Variants in CTTNBP2 observed in about 807,000 individuals in gnomAD.
CTTNBP2 encodes the protein cortactin binding protein 2, also known as cortactin-binding protein 2.
A neutral mutation model predicts 156.9 loss-of-function variants in CTTNBP2; 108 were observed. The observed-to-expected ratio is 0.69, with a 90% CI of 0.59 to 0.81. The LOEUF (loss-of-function observed/expected upper bound fraction) is 0.81. CTTNBP2 is among the 30% of genes least tolerant of loss of function. CTTNBP2 has a pLI of 0.00. For missense variants in CTTNBP2, 1,924 were observed against 2,035.4 expected (o/e 0.95, Z 1.05); for synonymous variants, 767 against 751.8 (o/e 1.02, Z -0.33).
intron 8 of CTTNBP2, among the ~76,000 whole-genome samples, chr7:117,767,542 G>T (rs1470268925): frequency 1.3e-5 from 2 of 152,148 alleles, no homozygotes; most frequent in Non-Finnish European, 2.9e-5. Context: ...AAAACAAAAA[G>T]ACTTTTGCTA....
chr7:117,719,043 C>CA (rs1794627244), intron 21 of CTTNBP2, among the ~76,000 whole-genome samples: 1 of 151,874 alleles, frequency 6.6e-6, no homozygotes, highest in East Asian at 1.9e-4. Context: ...CTAAAAAGTC[C>CA]AAAAATTAGC....
At chr7:117,833,556 A>G (rs1023550784) in intron 2 of CTTNBP2, among the ~76,000 whole-genome samples, 1 of 152,190 alleles carries the variant, frequency 6.6e-6, no homozygotes, top group Non-Finnish European at 1.5e-5. Context: ...CACAGTGTCT[A>G]GATTGTCTTT....
chr7:117,723,737 CGAT>C (rs984801223), intron 19 of CTTNBP2, among the ~76,000 whole-genome samples: 3 of 150,328 alleles, frequency 2.0e-5, no homozygotes, highest in Non-Finnish European at 2.9e-5. Flanking sequence ...AATATAAACT[CGAT>C]GACGGCAGGA....
intron 9 of CTTNBP2, among the ~76,000 whole-genome samples, chr7:117,766,710 A>G (rs1190493033): frequency 1.3e-5 from 2 of 152,160 alleles, no homozygotes; most frequent in African/African-American, 4.8e-5. Flanking sequence ...GCCTCATACA[A>G]TCAGCTGATG....
intron 2 of CTTNBP2, among the ~76,000 whole-genome samples, chr7:117,836,518 G>A (rs369168024): frequency 2.1e-4 from 32 of 152,280 alleles, no homozygotes; most frequent in East Asian, 5.8e-4. Context: ...AGCTGAGATC[G>A]CGCCACTGCA....
chr7:117,810,900 T>C lies in CTTNBP2; in HGVS notation c.279A>G (p.Ala93=). The C allele has an allele frequency of 6.2e-7, 1 of 1,614,180 alleles. No individual in the cohort carries two copies. Among genetic ancestry groups the C allele is most frequent in the South Asian group, 1.1e-5 (1 of 91,086 alleles). ...GCTTCTTCTCTTTGTCACCAGCACC[T>C]GCTTCATAGTCTCTCTGGAGTGCCA... ...PFLALQRDYE[A]GAGDKEKKPV... Residue 93 remains alanine (A), a synonymous_variant, in exon 3 of 23, where the codon GCA becomes GCG. Coordinates refer to ENST00000160373, the MANE Select transcript of CTTNBP2 (RefSeq NM_033427.3).
intron 22 of CTTNBP2, chr7:117,714,024 T>C (rs1794206020): frequency 6.6e-6 from 1 of 152,198 alleles, no homozygotes; most frequent in Non-Finnish European, 1.5e-5. Context: ...TGGGCTCGGT[T>C]TTAACTACGT....
chr7:117,799,787 C>T (rs1799515165), intron 3 of CTTNBP2, among the ~76,000 whole-genome samples: 2 of 151,852 alleles, frequency 1.3e-5, no homozygotes, highest in South Asian at 2.1e-4. Context: ...AAAATAATGG[C>T]TAGAACTATT....
At chr7:117,810,070 T>A (rs1800177722) in intron 3 of CTTNBP2, among the ~76,000 whole-genome samples, 1 of 152,144 alleles carries the variant, frequency 6.6e-6, no homozygotes, top group Non-Finnish European at 1.5e-5. Flanking sequence ...AACTTTGTAC[T>A]CTTTGAAGCA....
chr7:117,723,431 A>G (rs1425750643), intron 19 of CTTNBP2, among the ~76,000 whole-genome samples: 1 of 152,232 alleles, frequency 6.6e-6, no homozygotes, highest in African/African-American at 2.4e-5. Flanking sequence ...ACTGCTATAA[A>G]GTTGGCATAA....
intron 2 of CTTNBP2, among the ~76,000 whole-genome samples, chr7:117,853,997 C>T (rs1803097001): frequency 6.6e-6 from 1 of 152,012 alleles, no homozygotes; most frequent in Non-Finnish European, 1.5e-5. Context: ...AAACATTGAC[C>T]AGAAGAATCA....
At chr7:117,726,908 G>T (rs969730210) in intron 17 of CTTNBP2, among the ~76,000 whole-genome samples, 1 of 152,140 alleles carries the variant, frequency 6.6e-6, no homozygotes, top group African/African-American at 2.4e-5. Flanking sequence ...AACCATGGCA[G>T]GCTAACTTGG....
chr7:117,810,700 T>C (rs1800221974), intron 3 of CTTNBP2, 65 bp downstream of exon 3: 1 of 1,295,416 alleles, frequency 7.7e-7, no homozygotes, highest in Admixed American at 1.7e-5. Context: ...ACAAACAACT[T>C]TGGAGGTGAT....
intron 22 of CTTNBP2, chr7:117,712,305 T>C (rs1431240938): frequency 6.6e-6 from 1 of 152,564 alleles, no homozygotes; most frequent in African/African-American, 2.4e-5. Flanking sequence ...CTTCCATACT[T>C]GGAAGCTGCA....
At chr7:117,731,924 G>A (rs1018414528) in intron 16 of CTTNBP2, among the ~76,000 whole-genome samples, 1 of 152,152 alleles carries the variant, frequency 6.6e-6, no homozygotes, top group Non-Finnish European at 1.5e-5. Flanking sequence ...AATTCTGGAA[G>A]AAAACATTAC....
Position 117,872,061 on chromosome 7 carries a change from G to T in CTTNBP2, c.81+1274C>A, listed in dbSNP as rs867944184. 1.8e-5 allele frequency: 13 copies of T among 739,596 alleles called. No individual in the cohort carries two copies. The South Asian group carries it at 5.5e-4, about 31-fold the overall frequency. The allele number at this position is 739,596 out of a possible 1,614,324, so 45.8% of individuals were successfully genotyped here. On this transcript the variant is annotated intron_variant, in intron 1 of 22. Coordinates refer to ENST00000160373, the MANE Select transcript of CTTNBP2 (RefSeq NM_033427.3). ...TTAAAGTTCTCATTTTCTATGCAAA[G>T]AATGGAAACTCAATTTTCCCAAAAG...
In CTTNBP2 at chr7:117,735,020, A is replaced by G; in HGVS notation, c.3769T>C (p.Ser1257Pro). ...AAATGCTGCTGCACCAGCAAGTCGG[A>G]GCCCTGGAGACAGGCCTTGGCGATG... ...GTIAKACLQG[S>P]DLLVQQHFRW... The change falls in exon 16 of 23, where the codon TCC becomes CCC. Residue 1257 changes from serine (S) to proline (P), a missense_variant. Physicochemically the swap from Ser to Pro is moderately conservative, Grantham distance 74 (BLOSUM62 -1). Coordinates refer to ENST00000160373, the MANE Select transcript of CTTNBP2 (RefSeq NM_033427.3). 6.2e-7 allele frequency: 1 copy of G among 1,614,220 alleles called. No individual in the cohort carries two copies. Among genetic ancestry groups the G allele is most frequent in the Non-Finnish European group, 8.5e-7 (1 of 1,180,026 alleles).
Position 117,791,254 on chromosome 7 carries a change from G to C in CTTNBP2, c.1942C>G (p.Gln648Glu), listed in dbSNP as rs116692992. Residue 648 changes from glutamine to glutamate, a missense_variant, in exon 4 of 23, where the codon CAA becomes GAA. Coordinates refer to ENST00000160373, the MANE Select transcript of CTTNBP2 (RefSeq NM_033427.3). The stretch of plus-strand genomic sequence containing the variant: ...AGGGAACTGTCTGAACATGCAGGTT[G>C]GTTCAGTCCGGGGGTTGCAGCAGGC... Reference protein sequence around the residue: ...AWPAATPGLNQPACSDSSLVI... With the variant: ...AWPAATPGLNEPACSDSSLVI... 525 of 1,614,132 alleles carry C rather than the reference G, an allele frequency of 3.3e-4. 1 individual carries two copies. The African/African-American group carries it at 6.4e-3, about 20-fold the overall frequency.
In CTTNBP2 at chr7:117,794,943, G is replaced by A. The variant is rs1407106926; in HGVS notation, c.415-2162C>T. On this transcript the variant is annotated intron_variant, in intron 3 of 22. Coordinates refer to ENST00000160373, the MANE Select transcript of CTTNBP2 (RefSeq NM_033427.3). Reference sequence around the variant, plus strand: ...CGCTCTGTCGCCCAGGCGGGACTGCGGACTGCAGTGGCGCAATCTCGGCTC... The same window carrying A: ...CGCTCTGTCGCCCAGGCGGGACTGCAGACTGCAGTGGCGCAATCTCGGCTC... 1.1e-4 allele frequency among the ~76,000 whole-genome samples: 15 copies of A among 140,912 alleles called. 1 individual carries two copies. Among genetic ancestry groups the A allele is most frequent in the Admixed American group, 6.6e-4 (9 of 13,664 alleles). The allele number at this position is 140,912 out of a possible 152,430, so 92.4% of individuals were successfully genotyped here.
Sources: allele counts gnomAD v4.1 joint callset (sites outside exome capture counted in the v4.1 genomes callset), GRCh38; gene constraint gnomAD v4.1.1; transcripts MANE v1.5; gene names NCBI Gene and HGNC (gene_info 2026-07-23, HGNC 2026-07-21).